Variants in VAV1 observed in about 807,000 individuals in gnomAD.
VAV1 encodes the protein vav guanine nucleotide exchange factor 1.
A neutral mutation model predicts 128.1 loss-of-function variants in VAV1; 33 were observed. The ratio of observed to expected loss-of-function variants is 0.26; its 90% CI spans 0.20 to 0.34. The LOEUF (loss-of-function observed/expected upper bound fraction) is 0.34. VAV1 is among the 10% of genes least tolerant of loss of function. The pLI is 1.00. For synonymous variants in VAV1, 394 were observed against 409.8 expected (o/e 0.96, Z 0.47); for missense variants, 715 against 1,093.7 (o/e 0.65, Z 4.88).
chr19:6,772,979 C>G lies in VAV1; in HGVS notation c.172C>G (p.Arg58Gly), dbSNP rs773638542. The G allele has an allele frequency of 5.0e-6, 8 of 1,614,112 alleles. No homozygotes were observed. The highest frequency in any genetic ancestry group is 1.3e-5 in the African/African-American group (1 of 75,040). Residue 58 changes from arginine (R) to glycine (G), a missense_variant, in exon 1 of 27, where the codon CGT (arginine) becomes GGT (glycine). Around this residue, in one of 3 missense-constraint regions of VAV1, gnomAD observed 302 missense variants for 477.8 expected, o/e 0.63. Transcript: ENST00000602142. The surrounding 1 kb of genome is among the most constrained non-coding windows in gnomAD (Gnocchi z 4.8). ...CCTGCTACCCCATGCCATCAACCTG[C>G]GTGAGGTCAACCTGCGCCCCCAGAT... ...NNLLPHAINL[R>G]EVNLRPQMSQ... is the part of the protein sequence containing the mutation.
At chr19:6,810,900 G>C (rs1164303319) in intron 1 of VAV1, among the ~76,000 whole-genome samples, 1 of 152,120 alleles carries the variant, frequency 6.6e-6, no homozygotes, top group Non-Finnish European at 1.5e-5. Flanking sequence ...TTGAAAGAAT[G>C]AACCTGTTTC....
At chr19:6,793,063 G>T (rs137869376) in intron 1 of VAV1, among the ~76,000 whole-genome samples, 121 of 152,196 alleles carry the variant, frequency 8.0e-4, no homozygotes, top group African/African-American at 2.9e-3. Flanking sequence ...GGCCGGGCGC[G>T]GTGGCTCACA....
chr19:6,817,982 A>G (rs570683739), intron 1 of VAV1, among the ~76,000 whole-genome samples: 143 of 152,224 alleles, frequency 9.4e-4, no homozygotes, highest in African/African-American at 2.9e-3. Context: ...CACCACGCCC[A>G]GCCTTAAATT....
At chr19:6,851,062 ATG>A (rs1438204992) in intron 24 of VAV1, among the ~76,000 whole-genome samples, 35 of 152,022 alleles carry the variant, frequency 2.3e-4, no homozygotes, top group African/African-American at 7.7e-4. Context: ...ATACATATGT[ATG>A]TATGTGTATT....
chr19:6,792,334 A>C (rs1971035694), intron 1 of VAV1, among the ~76,000 whole-genome samples: 1 of 152,040 alleles, frequency 6.6e-6, no homozygotes. Context: ...GTGGATGAAA[A>C]GAGGAGGCAG....
intron 1 of VAV1, among the ~76,000 whole-genome samples, chr19:6,788,350 T>TTTATTATTA (rs148778427): frequency 9.2e-4 from 131 of 141,978 alleles, no homozygotes; most frequent in African/African-American, 3.1e-3. Context: ...TTCTTTTTAT[T>TTTATTATTA]TTATTATTAT....
In VAV1 at chr19:6,826,766, GGCAGC is replaced by G; in HGVS notation, c.927+56_927+60del. On this transcript the variant is annotated intron_variant, in intron 9 of 26. Transcript: ENST00000602142. This position sits in a 1 kb window ranked among gnomAD's most constrained non-coding sequence, Gnocchi z 4.1. ...CTCCCGCTCCTCCCCAGGCCCTGGGGGCAGCAGGGAGGACACTGAGTTGCAGATGG... is the reference window on the plus strand; with the variant it reads ...CTCCCGCTCCTCCCCAGGCCCTGGGGAGGGAGGACACTGAGTTGCAGATGG... 2 of 1,408,186 alleles carry G rather than the reference GGCAGC, an allele frequency of 1.4e-6. No homozygotes were observed. Among genetic ancestry groups the G allele is most frequent in the Non-Finnish European group, 1.9e-6 (2 of 1,030,688 alleles). The allele number at this position is 1,408,186 out of a possible 1,614,324, so 87.2% of individuals were successfully genotyped here.
rs1464713911 is a variant in VAV1 at position 6,820,794 on chromosome 19, C to T, written c.297C>T (p.Leu99=). Residue 99 remains leucine, a synonymous_variant, in exon 2 of 27, where the codon CTC becomes CTT. Coordinates refer to ENST00000602142, the MANE Select transcript of VAV1 (RefSeq NM_005428.4). This position sits in a 1 kb window ranked among gnomAD's most constrained non-coding sequence, Gnocchi z 4.4. The part of the protein sequence containing the change: ...KRSELFEAFD[L]FDVQDFGKVI... ...GCGAGCTCTTCGAAGCCTTTGACCTCTTCGATGTGCAGGATTTTGGCAAGG... is the reference window on the plus strand; with the variant it reads ...GCGAGCTCTTCGAAGCCTTTGACCTTTTCGATGTGCAGGATTTTGGCAAGG... 1 of 1,614,102 alleles carries T rather than the reference C, an allele frequency of 6.2e-7. No individual in the cohort carries two copies. Among genetic ancestry groups the T allele is most frequent in the Non-Finnish European group, 8.5e-7 (1 of 1,180,046 alleles).
chr19:6,848,149 G>A, intron 23 of VAV1, 35 bp downstream of exon 23: 1 of 1,514,382 alleles, frequency 6.6e-7, no homozygotes, highest in South Asian at 1.3e-5. Context: ...ACCCTTTTGG[G>A]GCCTGGGCCC....
intron 1 of VAV1, among the ~76,000 whole-genome samples, chr19:6,796,317 A>G (rs1263194171): frequency 6.7e-6 from 1 of 149,528 alleles, no homozygotes; most frequent in Non-Finnish European, 1.5e-5. Flanking sequence ...CTTTATAGGG[A>G]CCCCGGGAGA....
chr19:6,824,810 G>A (rs1326839830), intron 6 of VAV1, among the ~76,000 whole-genome samples: 3 of 152,158 alleles, frequency 2.0e-5, no homozygotes, highest in Non-Finnish European at 4.4e-5. Flanking sequence ...GATTGCAGGC[G>A]TGAGCCACCG....
At position 6,828,587 on chromosome 19, in the gene VAV1, T is replaced by C. The variant is rs372049136; in HGVS notation, c.1093-35T>C. The C allele has an allele frequency of 7.2e-5, 116 of 1,613,082 alleles. No individual in the cohort carries two copies. The highest frequency in any genetic ancestry group is 2.0e-4 in the African/African-American group (15 of 74,734). On this transcript the variant is annotated intron_variant, in intron 11 of 26. Transcript: ENST00000602142. The surrounding 1 kb of genome is among the most constrained non-coding windows in gnomAD (Gnocchi z 4.5). ...ATTAGGTAGGAGCCTGGGTCGGCTG[T>C]TGGGGGGCCAGGTTCACCCCTGCCC...
intron 6 of VAV1, among the ~76,000 whole-genome samples, chr19:6,823,326 A>T (rs1746816224): frequency 6.6e-6 from 1 of 151,222 alleles, no homozygotes. Flanking sequence ...AGGTTTTGCC[A>T]TGTTGGCCAG....
chr19:6,774,413 C>A (rs1970574377), intron 1 of VAV1, among the ~76,000 whole-genome samples: 1 of 147,080 alleles, frequency 6.8e-6, no homozygotes, highest in Non-Finnish European at 1.5e-5. Flanking sequence ...CAGGTGTGAG[C>A]CACCGCGCCC....
rs375443310 is a variant in VAV1, at chr19:6,828,558, C to T, written c.1093-64C>T. 2.1e-5 allele frequency: 34 copies of T among 1,613,376 alleles called. 1 individual carries two copies. Among genetic ancestry groups the T allele is most frequent in the East Asian group, 2.0e-4 (9 of 44,880 alleles). On this transcript the variant is annotated intron_variant, in intron 11 of 26. Coordinates refer to ENST00000602142, the MANE Select transcript of VAV1 (RefSeq NM_005428.4). This position sits in a 1 kb window ranked among gnomAD's most constrained non-coding sequence, Gnocchi z 4.5. ...TCCTGGTAGGGGCTGATCCTCTAGC[C>T]GGGATTAGGTAGGAGCCTGGGTCGG...
intron 1 of VAV1, among the ~76,000 whole-genome samples, chr19:6,810,706 A>C (rs562779074): frequency 3.8e-5 from 5 of 131,928 alleles, no homozygotes; most frequent in African/African-American, 1.8e-4. Context: ...ACGTTATCTC[A>C]AAAAAAAAAA....
rs1039574181 is a variant in VAV1 at position 6,837,035 on chromosome 19, G to A, written c.1965G>A (p.Val655=). ...NEIGWFPCNR[V]KPYVHGPPQD... is the part of the protein sequence containing the mutation. ...TTGGCTGGTTTCCTTGTAACAGGGT[G>A]AAGCCCTATGTCCATGTGAGTGCCT... The change falls in exon 21 of 27, where the codon GTG becomes GTA. Residue 655 remains valine, a synonymous_variant. Transcript: ENST00000602142. The A allele has an allele frequency of 3.1e-6, 5 of 1,614,000 alleles. No homozygotes were observed. Among genetic ancestry groups the A allele is most frequent in the Admixed American group, 1.7e-5 (1 of 60,002 alleles).
At chr19:6,776,059 CCCAT>C (rs1448363083) in intron 1 of VAV1, among the ~76,000 whole-genome samples, 3 of 150,246 alleles carry the variant, frequency 2.0e-5, no homozygotes, top group Admixed American at 6.7e-5. Flanking sequence ...CATCCATCTA[CCCAT>C]CCATCCATCC....
chr19:6,847,328 C>G (rs1029401161), intron 22 of VAV1, among the ~76,000 whole-genome samples: 2 of 151,998 alleles, frequency 1.3e-5, no homozygotes, highest in East Asian at 1.9e-4. Context: ...CCTCCCGCAG[C>G]CCCCGGGAAC....
Sources: allele counts gnomAD v4.1 joint callset (sites outside exome capture counted in the v4.1 genomes callset), GRCh38; gene constraint gnomAD v4.1.1; regional missense constraint gnomAD v4.1.1; non-coding constraint Gnocchi (gnomAD v3.1); transcripts MANE v1.5; gene names NCBI Gene and HGNC (gene_info 2026-07-23, HGNC 2026-07-21).